The following SPNS1 variants were observed in gnomAD, a reference collection of about 807,000 sequenced individuals.
SPNS1 encodes the protein protein spinster homolog 1.
In SPNS1, 22 loss-of-function variants were observed where a neutral mutation model predicts 50.3. The ratio of observed to expected loss-of-function variants is 0.44; its 90% CI spans 0.31 to 0.62. SPNS1 has a LOEUF of 0.62. SPNS1 is among the 20% of genes least tolerant of loss of function. The probability of loss-of-function intolerance (pLI) is 0.07; values close to 1 mark genes in which losing one functional copy is unlikely to be tolerated. For missense variants in SPNS1, 576 were observed against 728.6 expected (o/e 0.79, Z 2.41); for synonymous variants, 295 against 317.4 (o/e 0.93, Z 0.75).
chr16:28,980,797 T>C (rs1305018857), intron 5 of SPNS1: 2 of 152,302 alleles, frequency 1.3e-5, no homozygotes, highest in Non-Finnish European at 2.9e-5. Flanking sequence ...GAGGTTGCAG[T>C]GAGCCGAGAT....
rs371271382 is a variant in SPNS1 at position 28,983,930 on chromosome 16, C to T, written c.1465C>T (p.Arg489Cys). ...CACCGCCATCTTCATTGAGGCCGAC[C>T]GCCGGCGGGCACAGCTGCACGTGCA... ...LGTAIFIEAD[R>C]RRAQLHVQGL... Residue 489 changes from arginine (R) to cysteine (C), a missense_variant, in exon 11 of 12, where the codon CGC (arginine) becomes TGC (cysteine). Arg to Cys is a radical substitution (Grantham distance 180). Around this residue, in one of 3 missense-constraint regions of SPNS1, gnomAD observed 428 missense variants for 520.1 expected, o/e 0.82. Coordinates refer to ENST00000311008, the MANE Select transcript of SPNS1 (RefSeq NM_032038.3). The surrounding 1 kb of genome is among the most constrained non-coding windows in gnomAD (Gnocchi z 5.4). 26 of 1,593,692 alleles carry T rather than the reference C, an allele frequency of 1.6e-5. No individual in the cohort carries two copies. The highest frequency in any genetic ancestry group is 1.7e-4 in the Middle Eastern group (1 of 6,020).
chr16:28,982,126 G>T, intron 7 of SPNS1, 70 bp downstream of exon 7: 1 of 1,557,370 alleles, frequency 6.4e-7, no homozygotes, highest in South Asian at 1.1e-5. Flanking sequence ...CTGTGGCTCA[G>T]ACCCAGGCAG....
At position 28,974,878 on chromosome 16, in the gene SPNS1, C is replaced by G; in HGVS notation, c.-274C>G. 2 of 1,534,754 alleles carry G rather than the reference C, an allele frequency of 1.3e-6. No homozygotes were observed. The highest frequency in any genetic ancestry group is 4.9e-5 in the East Asian group (2 of 41,018). On this transcript the variant is annotated 5_prime_UTR_variant, in exon 1 of 12. Coordinates refer to ENST00000311008, the MANE Select transcript of SPNS1 (RefSeq NM_032038.3). Reference sequence around the variant, plus strand: ...TCCTACCCCGGGTGAGGGGTGGCCTCCGCGTGGGATCGTGCCCTCTTCAGC... The same window carrying G: ...TCCTACCCCGGGTGAGGGGTGGCCTGCGCGTGGGATCGTGCCCTCTTCAGC...
chr16:28,979,394 C>T lies in SPNS1; in HGVS notation c.597-11C>T. 1 of 1,614,080 alleles carries T rather than the reference C, an allele frequency of 6.2e-7. No homozygotes were observed. Among genetic ancestry groups the T allele is most frequent in the Non-Finnish European group, 8.5e-7 (1 of 1,179,980 alleles). On this transcript the variant is annotated splice_polypyrimidine_tract_variant and intron_variant, in intron 4 of 11. Transcript: ENST00000311008. Reference sequence around the variant, plus strand: ...GCTGTCCCCCCTTTTTCCCCTCTCTCCCTCCCACAGTGGTCTGGGCTACAT... The same window carrying T: ...GCTGTCCCCCCTTTTTCCCCTCTCTTCCTCCCACAGTGGTCTGGGCTACAT...
chr16:28,979,631 G>A (rs1002230302), intron 5 of SPNS1, 160 bp downstream of exon 5: 2 of 718,222 alleles, frequency 2.8e-6, no homozygotes, highest in African/African-American at 3.5e-5. Context: ...GCTCACTGTA[G>A]CCTGGAACGC....
Position 28,977,143 on chromosome 16 carries a change from C to T in SPNS1, c.308-765C>T, listed in dbSNP as rs536306957. Among the ~76,000 whole-genome samples, 4 of 152,042 alleles carry T rather than the reference C, an allele frequency of 2.6e-5. No individual in the cohort carries two copies. The South Asian group carries it at 8.3e-4, about 32-fold the overall frequency. On this transcript the variant is annotated intron_variant, in intron 2 of 11. Coordinates refer to ENST00000311008, the MANE Select transcript of SPNS1 (RefSeq NM_032038.3). ...GACCATCCTGGCTAACATGGTGAAA[C>T]CCCATCTCTACTAAAAATACAAAAA... is the stretch of plus-strand genomic sequence containing the variant.
downstream of SPNS1, chr16:28,984,603 C>T (rs547948107): frequency 1.5e-5 from 9 of 611,626 alleles, no homozygotes; most frequent in Non-Finnish European, 2.6e-5. Flanking sequence ...CCCGTCTTCA[C>T]CCCAGGGCTC....
Position 28,979,256 on chromosome 16 carries a change from C to G in SPNS1, c.546C>G (p.Asp182Glu), listed in dbSNP as rs775176774. Residue 182 changes from aspartate to glutamate, a missense_variant, in exon 4 of 12, where the codon GAC (aspartate) becomes GAG (glutamate). This residue lies in a region of SPNS1 where 428 missense variants were observed against 520.1 expected (regional missense o/e 0.82). Transcript: ENST00000311008. ...PTLIADLFVA[D>E]QRSRMLSIFY... ...TCATTGCCGACCTCTTTGTGGCCGA[C>G]CAGCGGAGCCGGATGCTCAGCATCT... 6.2e-7 allele frequency: 1 copy of G among 1,614,194 alleles called. No individual in the cohort carries two copies. Among genetic ancestry groups the G allele is most frequent in the Non-Finnish European group, 8.5e-7 (1 of 1,180,034 alleles).
chr16:28,984,074 C>T, intron 11 of SPNS1, 117 bp downstream of exon 11: 3 of 1,443,812 alleles, frequency 2.1e-6, no homozygotes, highest in Middle Eastern at 1.8e-4. Flanking sequence ...TGTTTGGCCT[C>T]CAGTCTGTCT....
downstream of SPNS1, chr16:28,984,548 A>G (rs1367259390): frequency 4.8e-6 from 3 of 622,320 alleles, no homozygotes; most frequent in Non-Finnish European, 5.8e-6. Flanking sequence ...GCCAGACCCC[A>G]GGTGCCTGCT....
In SPNS1 at chr16:28,982,444, C is replaced by T. The variant is rs777222035; in HGVS notation, c.1054C>T (p.Pro352Ser). The T allele has an allele frequency of 1.2e-4, 197 of 1,613,830 alleles. No individual in the cohort carries two copies. The highest frequency in any genetic ancestry group is 2.5e-6 in the Non-Finnish European group (3 of 1,179,968). ...EISRRLRHSN[P>S]RADPLVCATG... ...CAGCCGCCGGCTCCGCCACTCCAAC[C>T]CCCGGGCTGATCCCCTGGTCTGTGC... Residue 352 changes from proline (P) to serine (S), a missense_variant, in exon 8 of 12, where the codon CCC (proline) becomes TCC (serine). Coordinates refer to ENST00000311008, the MANE Select transcript of SPNS1 (RefSeq NM_032038.3).
At chr16:28,979,370 C>G (rs1330810095) in intron 4 of SPNS1, 35 bp from the exon 5 acceptor site, 1 of 1,614,058 alleles carries the variant, frequency 6.2e-7, no homozygotes. Flanking sequence ...GACTGACTGG[C>G]TGTCCCCCCT....
Position 28,975,139 on chromosome 16 carries a change from G to A in SPNS1, c.-13G>A, listed in dbSNP as rs1188821221. 6.8e-7 allele frequency: 1 copy of A among 1,472,092 alleles called. No homozygotes were observed. Among genetic ancestry groups the A allele is most frequent in the Non-Finnish European group, 9.0e-7 (1 of 1,115,952 alleles). The allele number at this position is 1,472,092 out of a possible 1,614,324, so 91.2% of individuals were successfully genotyped here. On this transcript the variant is annotated 5_prime_UTR_variant, in exon 1 of 12. Coordinates refer to ENST00000311008, the MANE Select transcript of SPNS1 (RefSeq NM_032038.3). ...TGGGACCGGAGCGCGGGCGGGCGCG[G>A]CCCCCCGGGACCATGGCCGGGTCCG...
In SPNS1 at chr16:28,983,133, C is replaced by A; in HGVS notation, c.1222-59C>A. ...CGGATCCTTGGTGGTCTCCTGGCCC[C>A]CTGCCTCCTGCCCCCTGGAGCCCAG... On this transcript the variant is annotated intron_variant, in intron 9 of 11. Coordinates refer to ENST00000311008, the MANE Select transcript of SPNS1 (RefSeq NM_032038.3). This position sits in a 1 kb window ranked among gnomAD's most constrained non-coding sequence, Gnocchi z 5.4. 7.0e-7 allele frequency: 1 copy of A among 1,424,734 alleles called. No homozygotes were observed. The highest frequency in any genetic ancestry group is 1.2e-5 in the South Asian group (1 of 86,408). The allele number at this position is 1,424,734 out of a possible 1,614,324, so 88.3% of individuals were successfully genotyped here. A position where few individuals can be genotyped will look rare whatever the true frequency, so the allele number is the denominator to read the frequency against.
rs1965561567 is a variant in SPNS1 at position 28,981,764 on chromosome 16, C to T, written c.810-137C>T. The stretch of plus-strand genomic sequence containing the variant: ...TTGTGGCAGCTGCTTGAATTACAGG[C>T]CCAGATCCTGGGAGCCAGAACCACC... On this transcript the variant is annotated intron_variant, in intron 6 of 11. Transcript: ENST00000311008. The surrounding 1 kb of genome is among the most constrained non-coding windows in gnomAD (Gnocchi z 4.2). The T allele has an allele frequency of 6.7e-7, 1 of 1,485,824 alleles. No homozygotes were observed. The highest frequency in any genetic ancestry group is 1.8e-5 in the Admixed American group (1 of 54,382). The allele number at this position is 1,485,824 out of a possible 1,614,324, so 92.0% of individuals were successfully genotyped here.
In SPNS1 at chr16:28,984,500, A is replaced by G; in HGVS notation, c.*201A>G. 1 of 685,658 alleles carries G rather than the reference A, an allele frequency of 1.5e-6. No individual in the cohort carries two copies. The highest frequency in any genetic ancestry group is 1.6e-5 in the South Asian group (1 of 64,366). The allele number at this position is 685,658 out of a possible 1,614,324, so 42.5% of individuals were successfully genotyped here. On this transcript the variant is annotated 3_prime_UTR_variant, in exon 12 of 12. Coordinates refer to ENST00000311008, the MANE Select transcript of SPNS1 (RefSeq NM_032038.3). ...GATCCCTCTCCACAGGGGCAGCCCC[A>G]AGGGCTCGGTGCTATTTGTAACGGA...
intron 2 of SPNS1, among the ~76,000 whole-genome samples, chr16:28,977,314 A>G (rs1965377347): frequency 9.1e-5 from 1 of 10,994 alleles, no homozygotes; most frequent in Non-Finnish European, 1.5e-4. Flanking sequence ...ACTTCGTTTA[A>G]AAAAAAAAAA....
chr16:28,982,582 G>T, intron 8 of SPNS1, 37 bp downstream of exon 8: 1 of 1,566,902 alleles, frequency 6.4e-7, no homozygotes, highest in Admixed American at 1.8e-5. Flanking sequence ...GATGGCGTGG[G>T]TCCAGGGTGG....
chr16:28,983,821 C>T lies in SPNS1; in HGVS notation c.1356C>T (p.Ser452=). 1 of 1,604,412 alleles carries T rather than the reference C, an allele frequency of 6.2e-7. No individual in the cohort carries two copies. Among genetic ancestry groups the T allele is most frequent in the South Asian group, 1.1e-5 (1 of 90,916 alleles). Residue 452 remains serine (S), a synonymous_variant, in exon 11 of 12, where the codon TCC becomes TCT. Transcript: ENST00000311008. The surrounding 1 kb of genome is among the most constrained non-coding windows in gnomAD (Gnocchi z 5.4). ...SDRLRRNWPP[S]FLSEFRALQF... ...GCCTGCGCCGGAACTGGCCCCCCTC[C>T]TTCTTGTCCGAGTTCCGGGCTCTGC...
Sources: gnomAD v4.1 joint callset for allele counts (sites outside exome capture counted in the v4.1 genomes callset) on GRCh38, gnomAD v4.1.1 for gene constraint, gnomAD v4.1.1 regional missense constraint, Gnocchi (gnomAD v3.1) non-coding constraint, MANE v1.5 for transcripts, NCBI Gene and HGNC (gene_info 2026-07-23, HGNC 2026-07-21) for gene names.